KCND2: variants seen among roughly 807,000 people sequenced by gnomAD.
KCND2 encodes A-type voltage-gated potassium channel KCND2.
KCND2 carries 16 observed loss-of-function variants against 54.4 expected under a neutral mutation model. The ratio of observed to expected loss-of-function variants is 0.29; its 90% CI spans 0.20 to 0.45. The LOEUF is 0.45. Ranked by LOEUF, KCND2 falls within the 20% of genes least tolerant of loss-of-function variation. The probability of loss-of-function intolerance (pLI) is 1.00; values close to 1 mark genes in which losing one functional copy is unlikely to be tolerated. For synonymous variants in KCND2, 317 were observed against 310.7 expected (o/e 1.02, Z -0.21); for missense variants, 486 against 824.2 (o/e 0.59, Z 5.02).
At chr7:120,352,083 G>C (rs879458675) in intron 1 of KCND2, among the ~76,000 whole-genome samples, 17 of 151,402 alleles carry the variant, frequency 1.1e-4, no homozygotes, top group Non-Finnish European at 2.1e-4. Flanking sequence ...GACTATAGGC[G>C]TGCACCAACA....
At chr7:120,522,426 G>A (rs1210781568) in intron 1 of KCND2, among the ~76,000 whole-genome samples, 4 of 152,118 alleles carry the variant, frequency 2.6e-5, no homozygotes, top group African/African-American at 9.7e-5. Flanking sequence ...AATTACTTTA[G>A]TTACTCCTTC....
At chr7:120,623,981 GC>G (rs1793134535) in intron 1 of KCND2, among the ~76,000 whole-genome samples, 1 of 152,166 alleles carries the variant, frequency 6.6e-6, no homozygotes. Flanking sequence ...GTTAGTTGAT[GC>G]AAATATTGTC....
At chr7:120,539,975 G>A (rs551370845) in intron 1 of KCND2, among the ~76,000 whole-genome samples, 34 of 152,214 alleles carry the variant, frequency 2.2e-4, no homozygotes, top group Non-Finnish European at 4.4e-4. Context: ...TGCCAGAGAC[G>A]AAGAGGGCTT....
At position 120,615,861 on chromosome 7, in the gene KCND2, G is replaced by A. The variant is rs543027614; in HGVS notation, c.1116-117042G>A. Among the ~76,000 whole-genome samples the A allele has an allele frequency of 1.5e-4, 23 of 152,288 alleles. No individual in the cohort carries two copies. In the South Asian group the frequency reaches 4.4e-3, roughly 29 times the overall value. On this transcript the variant is annotated intron_variant, in intron 1 of 5. Coordinates refer to ENST00000331113, the MANE Select transcript of KCND2 (RefSeq NM_012281.3). ...AGCTTAATGGTTGATCTGAAACTGG[G>A]TCAAACCACATGAACTCTTCTAAAA...
intron 1 of KCND2, among the ~76,000 whole-genome samples, chr7:120,298,440 CA>C (rs1206505216): frequency 6.6e-6 from 1 of 152,194 alleles, no homozygotes; most frequent in Non-Finnish European, 1.5e-5. Context: ...CTGTACTTTT[CA>C]GTCCAGGTGT....
intron 1 of KCND2, among the ~76,000 whole-genome samples, chr7:120,713,995 G>A (rs1279367992): frequency 1.3e-5 from 2 of 151,976 alleles, no homozygotes; most frequent in African/African-American, 4.8e-5. Flanking sequence ...ATTCAAGAAG[G>A]GCTAATGAGT....
At chr7:120,487,081 AAC>A (rs768647817) in intron 1 of KCND2, among the ~76,000 whole-genome samples, 5 of 152,180 alleles carry the variant, frequency 3.3e-5, no homozygotes, top group African/African-American at 4.8e-5. Flanking sequence ...CAATGTGAAA[AAC>A]ACAGTGCAGG....
chr7:120,563,353 T>C (rs1228730369), intron 1 of KCND2, among the ~76,000 whole-genome samples: 1 of 152,176 alleles, frequency 6.6e-6, no homozygotes, highest in African/African-American at 2.4e-5. Context: ...CCCAACATGT[T>C]AGAAACTGTG....
chr7:120,426,037 A>G (rs755823272), intron 1 of KCND2, among the ~76,000 whole-genome samples: 3 of 152,050 alleles, frequency 2.0e-5, no homozygotes, highest in East Asian at 1.9e-4. Flanking sequence ...TTATATCACA[A>G]TTATCCTAGG....
intron 1 of KCND2, among the ~76,000 whole-genome samples, chr7:120,718,484 G>A (rs1792629885): frequency 6.6e-6 from 1 of 152,112 alleles, no homozygotes; most frequent in African/African-American, 2.4e-5. Flanking sequence ...CCTCCATAAG[G>A]TTTTATTGGA....
At chr7:120,729,532 C>T (rs1792778966) in intron 1 of KCND2, among the ~76,000 whole-genome samples, 1 of 152,170 alleles carries the variant, frequency 6.6e-6, no homozygotes, top group South Asian at 2.1e-4. Flanking sequence ...TCTTAGCACC[C>T]CTGCCTGTTC....
intron 1 of KCND2, among the ~76,000 whole-genome samples, chr7:120,626,773 A>T (rs1403615608): frequency 2.6e-5 from 4 of 152,170 alleles, no homozygotes; most frequent in African/African-American, 9.7e-5. Context: ...TATTTTTAAA[A>T]ATTAGATTAT....
intron 1 of KCND2, among the ~76,000 whole-genome samples, chr7:120,655,486 G>A (rs975107468): frequency 1.3e-5 from 2 of 151,998 alleles, no homozygotes; most frequent in Non-Finnish European, 2.9e-5. Context: ...TGCTGATATA[G>A]GCAAATCTTA....
intron 5 of KCND2, among the ~76,000 whole-genome samples, chr7:120,746,238 C>G (rs1174615855): frequency 6.6e-6 from 1 of 152,064 alleles, no homozygotes; most frequent in African/African-American, 2.4e-5. Context: ...TTAAAAGAGT[C>G]GAAAGAAGAA....
In KCND2 at chr7:120,297,375, C is replaced by T. The variant is rs115500684; in HGVS notation, c.1115+21628C>T. Among the ~76,000 whole-genome samples, 1,279 of 152,150 alleles carry T rather than the reference C, an allele frequency of 8.4e-3. 14 individuals are homozygous for T. Among genetic ancestry groups the T allele is most frequent in the African/African-American group, 0.029 (1,197 of 41,528 alleles). On this transcript the variant is annotated intron_variant, in intron 1 of 5. Coordinates refer to ENST00000331113, the MANE Select transcript of KCND2 (RefSeq NM_012281.3). Reference sequence around the variant, plus strand: ...ACCTCCACTTACATCTATGTTGTTGCAGAAGACATCATTTCATTCTTTTTA... The same window carrying T: ...ACCTCCACTTACATCTATGTTGTTGTAGAAGACATCATTTCATTCTTTTTA...
At chr7:120,474,634 G>C (rs1469023227) in intron 1 of KCND2, among the ~76,000 whole-genome samples, 1 of 151,822 alleles carries the variant, frequency 6.6e-6, no homozygotes, top group East Asian at 1.9e-4. Context: ...AAAGTGCTGG[G>C]ATTACAGGCC....
At chr7:120,686,078 C>A (rs146070238) in intron 1 of KCND2, among the ~76,000 whole-genome samples, 306 of 152,222 alleles carry the variant, frequency 2.0e-3, no homozygotes, top group African/African-American at 7.2e-3. Context: ...AGGGGTATAC[C>A]TAAGGATATT....
chr7:120,593,046 T>G (rs1241913996), intron 1 of KCND2, among the ~76,000 whole-genome samples: 1 of 152,192 alleles, frequency 6.6e-6, no homozygotes, highest in Non-Finnish European at 1.5e-5. Context: ...GTTAAAATGA[T>G]CACAAATATG....
At chr7:120,471,513 G>A (rs1331472356) in intron 1 of KCND2, among the ~76,000 whole-genome samples, 1 of 152,070 alleles carries the variant, frequency 6.6e-6, no homozygotes, top group Non-Finnish European at 1.5e-5. Context: ...TGATATTGCA[G>A]GCAAGGTATA....
Sources: allele counts gnomAD v4.1 joint callset (sites outside exome capture counted in the v4.1 genomes callset), GRCh38; gene constraint gnomAD v4.1.1; transcripts MANE v1.5; gene names NCBI Gene and HGNC (gene_info 2026-07-23, HGNC 2026-07-21).